Variants in PAPPA observed in about 807,000 individuals in gnomAD.
PAPPA encodes the protein pappalysin-1.
Under a neutral mutation model 164.0 loss-of-function variants are expected in PAPPA, and 60 were observed. That is an observed-to-expected ratio of 0.37 (90% CI 0.30 to 0.45). PAPPA has a LOEUF of 0.45. Ranked by LOEUF, PAPPA falls within the 20% of genes least tolerant of loss-of-function variation. The probability of loss-of-function intolerance (pLI) is 1.00; values close to 1 mark genes in which losing one functional copy is unlikely to be tolerated. For missense variants in PAPPA, 1,782 were observed against 2,087.3 expected (o/e 0.85, Z 2.85); for synonymous variants, 875 against 814.1 (o/e 1.07, Z -1.27).
At position 116,309,459 on chromosome 9, in the gene PAPPA, C is replaced by T. The variant is rs377004612; in HGVS notation, c.3147+6509C>T. ...TCTGTGTCTTCTTCATCCTTGTCTC[C>T]ACAGCAAGGGACTAGATACCCACTA... On this transcript the variant is annotated intron_variant, in intron 10 of 21. Transcript: ENST00000328252. Among the ~76,000 whole-genome samples, 5 of 152,216 alleles carry T rather than the reference C, an allele frequency of 3.3e-5. No homozygotes were observed. In the East Asian group the frequency reaches 7.7e-4, roughly 24 times the overall value.
chr9:116,343,913 AC>A (rs1846171756), intron 13 of PAPPA, among the ~76,000 whole-genome samples: 1 of 152,010 alleles, frequency 6.6e-6, no homozygotes, highest in African/African-American at 2.4e-5. Flanking sequence ...GGCGCCTGCC[AC>A]CACGCCCAGC....
intron 5 of PAPPA, 129 bp from the exon 6 acceptor site, chr9:116,227,302 T>C: frequency 1.1e-6 from 1 of 942,924 alleles, no homozygotes; most frequent in Admixed American, 2.2e-5. Flanking sequence ...CCTTGGCATA[T>C]GTAGGCAGGA....
Position 116,271,224 on chromosome 9 carries a change from A to G in PAPPA, c.2862-101A>G, listed in dbSNP as rs1344834545. On this transcript the variant is annotated intron_variant, in intron 8 of 21. Transcript: ENST00000328252. This position sits in a 1 kb window ranked among gnomAD's most constrained non-coding sequence, Gnocchi z 4.2. ...TCAGACAGAGAAAGGGATTTGTGCA[A>G]GGTCTCACTGAAGGTTCATGGCCCA... The G allele has an allele frequency of 1.4e-5, 10 of 739,014 alleles. 1 individual carries two copies. Among genetic ancestry groups the G allele is most frequent in the South Asian group, 1.2e-4 (8 of 64,454 alleles). 45.8% of individuals were successfully genotyped at this position (739,014 alleles called of 1,614,324 possible). A position where few individuals can be genotyped will look rare whatever the true frequency, so the allele number is the denominator to read the frequency against.
rs115903564 is a variant in PAPPA at position 116,363,528 on chromosome 9, A to G, written c.4495+789A>G. 4.0e-3 allele frequency among the ~76,000 whole-genome samples: 609 copies of G among 152,334 alleles called. 4 individuals carry two copies. Among genetic ancestry groups the G allele is most frequent in the African/African-American group, 0.014 (590 of 41,572 alleles). ...TGTCTGGACACATGCATTAATCACCAGCACCACAGCTTTCCGGGGTACTCA... is the reference window on the plus strand; with the variant it reads ...TGTCTGGACACATGCATTAATCACCGGCACCACAGCTTTCCGGGGTACTCA... On this transcript the variant is annotated intron_variant, in intron 18 of 21. Transcript: ENST00000328252.
intron 1 of PAPPA, among the ~76,000 whole-genome samples, chr9:116,156,499 A>G (rs1564169130): frequency 6.6e-6 from 1 of 151,756 alleles, no homozygotes; most frequent in Non-Finnish European, 1.5e-5. Context: ...CTTTAATTGG[A>G]TGGGGGGCGT....
At chr9:116,355,103 A>G (rs1412482293) in intron 17 of PAPPA, among the ~76,000 whole-genome samples, 3 of 152,094 alleles carry the variant, frequency 2.0e-5, no homozygotes, top group Admixed American at 1.3e-4. Context: ...CCCCCTTCAC[A>G]ACATTGGCCA....
At chr9:116,363,035 A>G (rs996281176) in intron 18 of PAPPA, among the ~76,000 whole-genome samples, 21 of 152,226 alleles carry the variant, frequency 1.4e-4, no homozygotes, top group African/African-American at 4.8e-4. Flanking sequence ...TGGGGATTTG[A>G]AAAAGCTTGT....
rs1242361134 is a variant in PAPPA at position 116,187,997 on chromosome 9, G to A, written c.1259G>A (p.Gly420Glu). 1 of 1,614,064 alleles carries A rather than the reference G, an allele frequency of 6.2e-7. No individual in the cohort carries two copies. Among genetic ancestry groups the A allele is most frequent in the African/African-American group, 1.3e-5 (1 of 74,938 alleles). ...GCCAACTGTGACATCAGCAAGATTGGGGATGAGAACTGTGACCCCGAGTGC... is the reference window on the plus strand; with the variant it reads ...GCCAACTGTGACATCAGCAAGATTGAGGATGAGAACTGTGACCCCGAGTGC... ...ILANCDISKI[G>E]DENCDPECNH... Residue 420 changes from glycine (G) to glutamate (E), a missense_variant, in exon 2 of 22, where the codon GGG becomes GAG. Around this residue, in one of 2 missense-constraint regions of PAPPA, gnomAD observed 1,324 missense variants for 1,656.9 expected, o/e 0.80. Transcript: ENST00000328252. This position sits in a 1 kb window ranked among gnomAD's most constrained non-coding sequence, Gnocchi z 4.2.
intron 20 of PAPPA, among the ~76,000 whole-genome samples, chr9:116,378,751 T>C (rs541185765): frequency 2.0e-5 from 3 of 152,316 alleles, no homozygotes; most frequent in Non-Finnish European, 4.4e-5. Context: ...TTGCACAGCA[T>C]GATAACCACA....
intron 2 of PAPPA, among the ~76,000 whole-genome samples, chr9:116,190,625 A>T (rs1844029670): frequency 6.6e-6 from 1 of 152,326 alleles, no homozygotes; most frequent in South Asian, 2.1e-4. Context: ...GGGGAAAAAA[A>T]CTGTGTATCA....
intron 14 of PAPPA, among the ~76,000 whole-genome samples, chr9:116,345,748 G>A (rs1011307749): frequency 2.6e-5 from 4 of 152,222 alleles, no homozygotes; most frequent in Non-Finnish European, 2.9e-5. Context: ...AAGATAGGAC[G>A]TGTCCTGCGT....
intron 19 of PAPPA, among the ~76,000 whole-genome samples, chr9:116,375,170 A>C (rs1023837249): frequency 6.6e-6 from 1 of 152,256 alleles, no homozygotes; most frequent in African/African-American, 2.4e-5. Context: ...GTGGAAATGT[A>C]CAAAGCAATT....
chr9:116,263,095 G>C (rs1845022408), intron 7 of PAPPA, among the ~76,000 whole-genome samples: 1 of 152,104 alleles, frequency 6.6e-6, no homozygotes, highest in Non-Finnish European at 1.5e-5. Flanking sequence ...GAAAACTTGG[G>C]ATAACAACAC....
intron 21 of PAPPA, among the ~76,000 whole-genome samples, chr9:116,391,778 T>C (rs1216534396): frequency 1.3e-5 from 2 of 152,204 alleles, no homozygotes; most frequent in Non-Finnish European, 2.9e-5. Flanking sequence ...CCTAGCCACA[T>C]GGTGCTGAGA....
intron 8 of PAPPA, among the ~76,000 whole-genome samples, chr9:116,267,530 A>G (rs568046807): frequency 1.1e-4 from 17 of 152,182 alleles, no homozygotes; most frequent in Non-Finnish European, 1.9e-4. Context: ...CCACTCCACA[A>G]CTAAAGTTTG....
At chr9:116,382,585 G>C in intron 21 of PAPPA, 92 bp downstream of exon 21, 3 of 808,802 alleles carry the variant, frequency 3.7e-6, no homozygotes, top group Non-Finnish European at 6.7e-6. Flanking sequence ...GACAACCCTT[G>C]TCCTAACTCT....
intron 6 of PAPPA, among the ~76,000 whole-genome samples, chr9:116,228,537 A>T (rs985458655): frequency 2.0e-5 from 3 of 152,248 alleles, no homozygotes; most frequent in East Asian, 1.9e-4. Flanking sequence ...AGGGGGAAGG[A>T]TCAGAGAGGA....
chr9:116,316,720 T>A (rs956221881), intron 10 of PAPPA, among the ~76,000 whole-genome samples: 6 of 152,238 alleles, frequency 3.9e-5, no homozygotes, highest in African/African-American at 1.4e-4. Context: ...AGTTGGAAGG[T>A]CTGCAGGATG....
chr9:116,324,823 G>A (rs1224276570), intron 10 of PAPPA, among the ~76,000 whole-genome samples: 5 of 152,172 alleles, frequency 3.3e-5, no homozygotes, highest in African/African-American at 9.7e-5. Context: ...TGTCCAGCAT[G>A]AAGGAAGCAC....
Sources: allele counts gnomAD v4.1 joint callset (sites outside exome capture counted in the v4.1 genomes callset), GRCh38; gene constraint gnomAD v4.1.1; regional missense constraint gnomAD v4.1.1; non-coding constraint Gnocchi (gnomAD v3.1); transcripts MANE v1.5; gene names NCBI Gene and HGNC (gene_info 2026-07-23, HGNC 2026-07-21).